Variants in LRRTM4 observed in about 807,000 individuals in gnomAD.
LRRTM4 encodes leucine-rich repeat transmembrane neuronal protein 4.
LRRTM4 carries 25 observed loss-of-function variants against 47.6 expected under a neutral mutation model. The ratio of observed to expected loss-of-function variants is 0.53; its 90% confidence interval spans 0.38 to 0.73. The LOEUF (loss-of-function observed/expected upper bound fraction) is 0.73. LRRTM4 is among the 30% of genes least tolerant of loss of function. The pLI is 0.00. For missense variants in LRRTM4, 638 were observed against 713.4 expected (o/e 0.89, Z 1.20); for synonymous variants, 311 against 269.5 (o/e 1.15, Z -1.51).
chr2:76,951,727 C>G (rs1675502371), intron 3 of LRRTM4, among the ~76,000 whole-genome samples: 1 of 151,894 alleles, frequency 6.6e-6, no homozygotes, highest in Admixed American at 6.6e-5. Context: ...AACCCATCAT[C>G]TAGTTTTAAG....
At chr2:76,877,355 T>C (rs2104086189) in intron 3 of LRRTM4, among the ~76,000 whole-genome samples, 1 of 150,774 alleles carries the variant, frequency 6.6e-6, no homozygotes, top group Admixed American at 6.7e-5. Flanking sequence ...TTTCAAATGA[T>C]TTTGGTAGCA....
chr2:77,223,475 A>C (rs1674706232), intron 3 of LRRTM4, among the ~76,000 whole-genome samples: 1 of 152,200 alleles, frequency 6.6e-6, no homozygotes, highest in Admixed American at 6.5e-5. Flanking sequence ...GTCTCAGCCC[A>C]AAATCTCCTT....
intron 3 of LRRTM4, among the ~76,000 whole-genome samples, chr2:77,101,696 T>C (rs1290643460): frequency 2.6e-5 from 4 of 152,208 alleles, no homozygotes; most frequent in Non-Finnish European, 5.9e-5. Flanking sequence ...TTTCCACATA[T>C]GGATTCAGAT....
intron 3 of LRRTM4, among the ~76,000 whole-genome samples, chr2:77,225,350 AC>A (rs1674774852): frequency 6.6e-6 from 1 of 151,646 alleles, no homozygotes; most frequent in African/African-American, 2.4e-5. Context: ...GTACCCTAAA[AC>A]TTAAAGTATA....
intron 3 of LRRTM4, among the ~76,000 whole-genome samples, chr2:77,467,105 TTG>T (rs771599675): frequency 3.3e-5 from 5 of 151,434 alleles, no homozygotes; most frequent in Non-Finnish European, 5.9e-5. Flanking sequence ...ACAGGCTGTT[TTG>T]TTGTTGTTGT....
chr2:77,049,172 A>T (rs1205923124), intron 3 of LRRTM4, among the ~76,000 whole-genome samples: 1 of 141,786 alleles, frequency 7.1e-6, no homozygotes, highest in Non-Finnish European at 1.5e-5. Context: ...ACACACACAC[A>T]CCACATTTTC....
intron 3 of LRRTM4, among the ~76,000 whole-genome samples, chr2:76,972,313 T>C (rs958120640): frequency 6.6e-6 from 1 of 151,898 alleles, no homozygotes; most frequent in Non-Finnish European, 1.5e-5. Flanking sequence ...ACAAAATCTC[T>C]TCATATATGC....
chr2:76,976,239 AAC>A (rs1676414261), intron 3 of LRRTM4, among the ~76,000 whole-genome samples: 1 of 151,844 alleles, frequency 6.6e-6, no homozygotes, highest in Non-Finnish European at 1.5e-5. Flanking sequence ...CTTCAGTAAT[AAC>A]ACAATATATT....
intron 3 of LRRTM4, among the ~76,000 whole-genome samples, chr2:77,403,395 A>G (rs1267849467): frequency 1.3e-5 from 2 of 151,874 alleles, no homozygotes; most frequent in Non-Finnish European, 2.9e-5. Flanking sequence ...TTTTAGTTGT[A>G]TTTCCAGGAC....
intron 3 of LRRTM4, among the ~76,000 whole-genome samples, chr2:76,854,889 A>G (rs1320957397): frequency 3.3e-5 from 5 of 151,828 alleles, no homozygotes; most frequent in African/African-American, 1.2e-4. Flanking sequence ...AGATAACTAC[A>G]TTATGTGATA....
intron 3 of LRRTM4, among the ~76,000 whole-genome samples, chr2:76,877,756 T>A (rs371632529): frequency 6.6e-6 from 1 of 152,138 alleles, no homozygotes; most frequent in East Asian, 1.9e-4. Context: ...GGATCGAGCA[T>A]TGAAGTAGCT....
chr2:76,869,134 C>T (rs549632905), intron 3 of LRRTM4, among the ~76,000 whole-genome samples: 1 of 151,146 alleles, frequency 6.6e-6, no homozygotes, highest in Non-Finnish European at 1.5e-5. Context: ...CATGGTGAAA[C>T]CCCGTCTCTA....
rs183515986 is a variant in LRRTM4 at position 76,866,496 on chromosome 2, C to A, written c.1552-117580G>T. 3.7e-3 allele frequency among the ~76,000 whole-genome samples: 569 copies of A among 151,946 alleles called. 3 individuals carry two copies. Among genetic ancestry groups the A allele is most frequent in the African/African-American group, 0.013 (556 of 41,394 alleles). On this transcript the variant is annotated intron_variant, in intron 3 of 3. Coordinates refer to ENST00000409884, the MANE Select transcript of LRRTM4 (RefSeq NM_001134745.3). ...TTCTTTCAGTTTTGGATTGGCTCTT[C>A]ATTTTTTTTTTCTAAGACTGATTTA...
intron 3 of LRRTM4, among the ~76,000 whole-genome samples, chr2:77,135,292 G>A (rs935854469): frequency 6.6e-6 from 1 of 152,296 alleles, no homozygotes. Flanking sequence ...TCAGAGAGCT[G>A]AGGAACTCCT....
chr2:77,014,503 C>CATATATATATATATATATATAT (rs71381251), intron 3 of LRRTM4, among the ~76,000 whole-genome samples: 113 of 139,132 alleles, frequency 8.1e-4, no homozygotes, highest in South Asian at 3.4e-3. Flanking sequence ...TGTGCCCTTT[C>CATATATATATATATATATATAT]ATATATATAT....
intron 3 of LRRTM4, among the ~76,000 whole-genome samples, chr2:76,821,599 T>G (rs776914894): frequency 6.6e-6 from 1 of 151,566 alleles, no homozygotes; most frequent in Non-Finnish European, 1.5e-5. Context: ...CAGGGTAAAA[T>G]AAAAATAACC....
intron 3 of LRRTM4, among the ~76,000 whole-genome samples, chr2:76,802,301 C>A (rs1675741021): frequency 6.7e-6 from 1 of 148,628 alleles, no homozygotes; most frequent in African/African-American, 2.5e-5. Context: ...CAGCAAAATA[C>A]ACAAATCTCT....
intron 3 of LRRTM4, among the ~76,000 whole-genome samples, chr2:77,324,507 A>AT (rs1005376535): frequency 3.0e-4 from 45 of 151,054 alleles, no homozygotes; most frequent in Admixed American, 4.0e-4. Context: ...GCTTTTCTAG[A>AT]TTTTTTTTAA....
intron 3 of LRRTM4, among the ~76,000 whole-genome samples, chr2:76,794,256 C>T (rs1250119772): frequency 6.6e-6 from 1 of 152,108 alleles, no homozygotes; most frequent in Non-Finnish European, 1.5e-5. Flanking sequence ...TTCTTATACT[C>T]AGAAGAGAGA....
Sources: gnomAD v4.1 joint callset for allele counts (sites outside exome capture counted in the v4.1 genomes callset) on GRCh38, gnomAD v4.1.1 for gene constraint, MANE v1.5 for transcripts, NCBI Gene and HGNC (gene_info 2026-07-23, HGNC 2026-07-21) for gene names.